Variants in LMF2 observed in about 807,000 individuals in gnomAD.
LMF2 encodes the protein transmembrane protein 112B.
LMF2 carries 113 observed loss-of-function variants against 81.5 expected under a neutral mutation model. The observed-to-expected ratio is 1.39, with a 90% CI of 1.19 to 1.62. The LOEUF (loss-of-function observed/expected upper bound fraction) is 1.62, where lower values mean the gene tolerates loss of function less well. Among genes scored for constraint, LMF2 ranks in the 40% most tolerant of loss-of-function variants. The pLI is 0.00. For synonymous variants in LMF2, 645 were observed against 424.5 expected (o/e 1.52, Z -6.39); for missense variants, 1,235 against 929.1 (o/e 1.33, Z -4.28).
intron 7 of LMF2, 27 bp downstream of exon 7, chr22:50,505,376 C>T: frequency 1.2e-6 from 2 of 1,613,258 alleles, no homozygotes; most frequent in East Asian, 2.2e-5. Flanking sequence ...CGCCCCTGCC[C>T]TCTGGCCCCC....
chr22:50,505,565 C>G (rs759012982), intron 6 of LMF2, 28 bp from the exon 7 acceptor site: 10 of 1,611,946 alleles, frequency 6.2e-6, no homozygotes, highest in Non-Finnish European at 8.5e-6. Context: ...CATGGGTCAG[C>G]AGAGGGTCCC....
rs141821853 is a variant in LMF2, at chr22:50,504,592, G to A, written c.1573C>T (p.Leu525=). The A allele has an allele frequency of 7.9e-4, 1,257 of 1,597,014 alleles. 9 individuals are homozygous for A. The African/African-American group carries it at 0.012, about 16-fold the overall frequency. Residue 525 remains leucine, a synonymous_variant, in exon 11 of 14, where the codon CTG becomes TTG. Coordinates refer to ENST00000474879, the MANE Select transcript of LMF2 (RefSeq NM_033200.3). ...PHTHSPWFTS[L]VLRLLQGKEP... is the part of the protein sequence containing the mutation. ...TTGCCCTGCAGCAGGCGCAAGACCA[G>A]GCTTGTGAACCACGGGCTGTGCGTG...
chr22:50,505,762 C>G lies in LMF2; in HGVS notation c.828G>C (p.Leu276=). 6.2e-7 allele frequency: 1 copy of G among 1,613,264 alleles called. No individual in the cohort carries two copies. The highest frequency in any genetic ancestry group is 8.5e-7 in the Non-Finnish European group (1 of 1,179,956). ...GCGCAGTGGTAAGCACCAGCGTCAT[C>G]AGGTTGAAGAAGTTGTAGTTGCCGG... is the stretch of plus-strand genomic sequence containing the variant. The part of the protein sequence containing the change: ...IITGNYNFFN[L]MTLVLTTALL... Residue 276 remains leucine (L), a synonymous_variant, in exon 6 of 14, where the codon CTG becomes CTC. Coordinates refer to ENST00000474879, the MANE Select transcript of LMF2 (RefSeq NM_033200.3).
Position 50,505,508 on chromosome 22 carries a change from A to T in LMF2, c.946T>A (p.Ser316Thr). ...TAGACGGCTAGTTCCAGCAGCAGCGACAGGGTGGCCAGCAGGGCCTTGGGC... is the reference window on the plus strand; with the variant it reads ...TAGACGGCTAGTTCCAGCAGCAGCGTCAGGGTGGCCAGCAGGGCCTTGGGC... ...SWPKALLATLSLLLELAVYGL... is the reference protein window; with the variant it reads ...SWPKALLATLTLLLELAVYGL... Residue 316 changes from serine (S) to threonine (T), a missense_variant, in exon 7 of 14, where the codon TCG becomes ACG. Physicochemically the swap from Ser to Thr is moderately conservative, Grantham distance 58 (BLOSUM62 1). Coordinates refer to ENST00000474879, the MANE Select transcript of LMF2 (RefSeq NM_033200.3). 6.2e-7 allele frequency: 1 copy of T among 1,612,704 alleles called. No homozygotes were observed. Among genetic ancestry groups the T allele is most frequent in the Non-Finnish European group, 8.5e-7 (1 of 1,180,006 alleles).
chr22:50,505,857 TG>T (rs767082231), intron 5 of LMF2, 42 bp from the exon 6 acceptor site: 18 of 1,607,464 alleles, frequency 1.1e-5, no homozygotes, highest in Non-Finnish European at 1.4e-5. Flanking sequence ...GACTGACGCC[TG>T]GCCCCGTGGC....
chr22:50,504,495 G>GGCCCCCCCCC, intron 11 of LMF2, 44 bp from the exon 12 acceptor site: 17 of 1,339,568 alleles, frequency 1.3e-5, no homozygotes, highest in East Asian at 7.6e-5. Flanking sequence ...TACCCGCCCT[G>GGCCCCCCCCC]CCCCTCCCCT....
intron 11 of LMF2, 49 bp from the exon 12 acceptor site, chr22:50,504,500 T>TCC: frequency 2.0e-6 from 1 of 501,444 alleles, no homozygotes; most frequent in Non-Finnish European, 2.9e-6. Flanking sequence ...GCCCTGCCCC[T>TCC]CCCCTCCCCA....
rs202179841 is a variant in LMF2, at chr22:50,504,369, C to T, written c.1689G>A (p.Lys563=). The change falls in exon 12 of 14, where the codon AAG becomes AAA. Residue 563 remains lysine (K), a synonymous_variant. Coordinates refer to ENST00000474879, the MANE Select transcript of LMF2 (RefSeq NM_033200.3). ...PPTYVRAQRY[K]YWFSQPGEQG... is the part of the protein sequence containing the mutation. The stretch of plus-strand genomic sequence containing the variant: ...GCTCCCCAGGCTGGGAGAACCAGTA[C>T]TTGTAGCGCTGGGCTCGGACGTAGG... 6.2e-6 allele frequency: 10 copies of T among 1,612,234 alleles called. No individual in the cohort carries two copies. The highest frequency in any genetic ancestry group is 1.1e-5 in the South Asian group (1 of 91,056).
chr22:50,507,085 G>C (rs1569519051), intron 1 of LMF2, 50 bp from the exon 2 acceptor site: 1 of 1,540,708 alleles, frequency 6.5e-7, no homozygotes, highest in Non-Finnish European at 8.7e-7. Flanking sequence ...TTGCAGACTA[G>C]ACTACCTCTG....
At chr22:50,506,587 C>T (rs1356037938) in intron 3 of LMF2, 51 bp downstream of exon 3, 3 of 1,592,704 alleles carry the variant, frequency 1.9e-6, no homozygotes, top group South Asian at 2.2e-5. Flanking sequence ...GCAGAGCCCT[C>T]CCCCACCCCC....
rs538197630 is a variant in LMF2, at chr22:50,505,386, C to G, written c.1051+17G>C. Reference sequence around the variant, plus strand: ...TGGTCCGCCCCTGCCCTCTGGCCCCCCCAGGTCGGCACTCACTGGTTCTGG... The same window carrying G: ...TGGTCCGCCCCTGCCCTCTGGCCCCGCCAGGTCGGCACTCACTGGTTCTGG... On this transcript the variant is annotated intron_variant, in intron 7 of 13. Transcript: ENST00000474879. 3.7e-6 allele frequency: 6 copies of G among 1,613,250 alleles called. No homozygotes were observed. The highest frequency in any genetic ancestry group is 1.1e-5 in the South Asian group (1 of 91,086).
rs144146622 is a variant in LMF2, at chr22:50,506,042, T to G, written c.767A>C (p.Tyr256Ser). ...PIRRLRLAAF[Y>S]SQVLLQVLII... ...GCTGCGGCCCTCACCCACCTGCGAGTAGAAAGCAGCCAAGCGCAGGCGTCG... is the reference window on the plus strand; with the variant it reads ...GCTGCGGCCCTCACCCACCTGCGAGGAGAAAGCAGCCAAGCGCAGGCGTCG... The change falls in exon 5 of 14, where the codon TAC (tyrosine) becomes TCC (serine). Residue 256 changes from tyrosine (Y) to serine (S), a missense_variant. Coordinates refer to ENST00000474879, the MANE Select transcript of LMF2 (RefSeq NM_033200.3). 1.0e-5 allele frequency: 16 copies of G among 1,584,386 alleles called. No individual in the cohort carries two copies. Among genetic ancestry groups the G allele is most frequent in the Non-Finnish European group, 1.4e-5 (16 of 1,165,390 alleles).
At position 50,506,436 on chromosome 22, in the gene LMF2, G is replaced by A. The variant is rs1291416194; in HGVS notation, c.444C>T (p.His148=). 1.3e-6 allele frequency: 2 copies of A among 1,550,416 alleles called. No individual in the cohort carries two copies. Among genetic ancestry groups the A allele is most frequent in the East Asian group, 2.4e-5 (1 of 41,382 alleles). ...VLVAPLRPAS[H]RKEAPQGRQA... ...GCCTGCCCTGGGGGGCCTCCTTGCGGTGGGAGGCTGGCCTCAGCGGGGCCA... is the reference window on the plus strand; with the variant it reads ...GCCTGCCCTGGGGGGCCTCCTTGCGATGGGAGGCTGGCCTCAGCGGGGCCA... Residue 148 remains histidine, a synonymous_variant, in exon 4 of 14, where the codon CAC becomes CAT. Transcript: ENST00000474879.
At position 50,503,019 on chromosome 22, in the gene LMF2, T is replaced by A. The variant is rs2068447755; in HGVS notation, c.*372A>T. The A allele has an allele frequency of 4.2e-6, 1 of 238,332 alleles. No individual in the cohort carries two copies. The highest frequency in any genetic ancestry group is 8.1e-6 in the Non-Finnish European group (1 of 123,148). 14.8% of individuals were successfully genotyped at this position (238,332 alleles called of 1,614,324 possible). ...AGGATGGGCTGGTGTGAAGATGACG[T>A]GGAAGATGACAGTGCTTCCCCTCTT... is the stretch of plus-strand genomic sequence containing the variant. On this transcript the variant is annotated 3_prime_UTR_variant, in exon 14 of 14. Transcript: ENST00000474879.
In LMF2 at chr22:50,506,678, G is replaced by C. The variant is rs376884464; in HGVS notation, c.349-12C>G. The C allele has an allele frequency of 5.0e-6, 8 of 1,613,616 alleles. No homozygotes were observed. The highest frequency in any genetic ancestry group is 6.8e-6 in the Non-Finnish European group (8 of 1,179,924). On this transcript the variant is annotated splice_polypyrimidine_tract_variant and intron_variant, in intron 2 of 13. Transcript: ENST00000474879. ...AACACCTGGCCCACCTGCGGAGAGAGGGGCTGTCAGGGAGCGGGTGTGTCT... is the reference window on the plus strand; with the variant it reads ...AACACCTGGCCCACCTGCGGAGAGACGGGCTGTCAGGGAGCGGGTGTGTCT...
intron 1 of LMF2, 119 bp from the exon 2 acceptor site, chr22:50,507,154 G>A (rs1483688109): frequency 1.3e-5 from 19 of 1,433,524 alleles, no homozygotes; most frequent in African/African-American, 2.9e-5. Flanking sequence ...TCCATCCCTA[G>A]GTCAGAGTCT....
Position 50,504,018 on chromosome 22 carries a change from G to C in LMF2, c.1719-114C>G, listed in dbSNP as rs1184408643. 6 of 987,518 alleles carry C rather than the reference G, an allele frequency of 6.1e-6. No individual in the cohort carries two copies. The African/African-American group carries it at 9.3e-5, about 15-fold the overall frequency. 61.2% of individuals were successfully genotyped at this position (987,518 alleles called of 1,614,324 possible). A position where few individuals can be genotyped will look rare whatever the true frequency, so the allele number is the denominator to read the frequency against. Reference sequence around the variant, plus strand: ...TCCTCACGCTCCACATCCCCCCCTGGTGCCCGGCCTTACCCCTGCACCCCG... The same window carrying C: ...TCCTCACGCTCCACATCCCCCCCTGCTGCCCGGCCTTACCCCTGCACCCCG... On this transcript the variant is annotated intron_variant, in intron 12 of 13. Transcript: ENST00000474879.
rs768647384 is a variant in LMF2 at position 50,503,938 on chromosome 22, C to A, written c.1719-34G>T. 13 of 1,589,220 alleles carry A rather than the reference C, an allele frequency of 8.2e-6. No homozygotes were observed. The African/African-American group carries it at 1.3e-4, about 16-fold the overall frequency. On this transcript the variant is annotated intron_variant, in intron 12 of 13. Transcript: ENST00000474879. ...GGACCCGATGTTCAGAAGCTGGAGGCACCCCGGGCTCCATACCCCATCGCC... is the reference window on the plus strand; with the variant it reads ...GGACCCGATGTTCAGAAGCTGGAGGAACCCCGGGCTCCATACCCCATCGCC...
At chr22:50,506,694 G>T (rs185129725) in intron 2 of LMF2, 28 bp from the exon 3 acceptor site, 2 of 1,613,688 alleles carry the variant, frequency 1.2e-6, no homozygotes, top group East Asian at 2.2e-5. Context: ...GTCAGGGAGC[G>T]GGTGTGTCTG....
Sources: allele counts gnomAD v4.1 joint callset, GRCh38; gene constraint gnomAD v4.1.1; transcripts MANE v1.5; gene names NCBI Gene and HGNC (gene_info 2026-07-23, HGNC 2026-07-21).